SLC6A4: variants seen among roughly 807,000 people sequenced by gnomAD.
SLC6A4 encodes the protein solute carrier family 6 member 4.
A neutral mutation model predicts 73.4 loss-of-function variants in SLC6A4; 22 were observed. The observed-to-expected ratio is 0.30, with a 90% CI of 0.21 to 0.43. SLC6A4 has a LOEUF of 0.43. Ranked by LOEUF, SLC6A4 falls within the 20% of genes least tolerant of loss-of-function variation. The pLI is 1.00. For synonymous variants in SLC6A4, 270 were observed against 315.5 expected, an observed-to-expected ratio of 0.86 and a Z score of 1.53; for missense variants, 593 against 808.5, an observed-to-expected ratio of 0.73 and a Z score of 3.23.
intron 1 of SLC6A4, among the ~76,000 whole-genome samples, chr17:30,233,914 A>C (rs546761771): frequency 5.4e-4 from 82 of 152,236 alleles, no homozygotes; most frequent in Admixed American, 7.8e-4. Flanking sequence ...TATTGGCTTA[A>C]TGTCTGGAGT....
chr17:30,228,917 C>T (rs913152266), intron 1 of SLC6A4, among the ~76,000 whole-genome samples: 1 of 152,216 alleles, frequency 6.6e-6, no homozygotes, highest in African/African-American at 2.4e-5. Flanking sequence ...GACTGGAGCA[C>T]GCCCTGTACA....
intron 1 of SLC6A4, among the ~76,000 whole-genome samples, chr17:30,225,494 A>C (rs1465507413): frequency 6.6e-6 from 1 of 152,208 alleles, no homozygotes; most frequent in African/African-American, 2.4e-5. Flanking sequence ...TTGGTTTCTG[A>C]GAATGCCCTC....
chr17:30,221,723 C>A lies in SLC6A4; in HGVS notation c.236G>T (p.Arg79Leu), dbSNP rs760517433. The stretch of plus-strand genomic sequence containing the variant: ...ATCCACCTTCTTGCCCCAGGTCTCC[C>A]GTTCCCCTTGATGAAGCTCAGCCAC... ...TLVAELHQGE[R>L]ETWGKKVDFL... Residue 79 changes from arginine (R) to leucine (L), a missense_variant, in exon 3 of 15, where the codon CGG (arginine) becomes CTG (leucine). Physicochemically the swap from Arg to Leu is moderately radical, Grantham distance 102. Coordinates refer to ENST00000650711, the MANE Select transcript of SLC6A4 (RefSeq NM_001045.6). 1 of 1,614,082 alleles carries A rather than the reference C, an allele frequency of 6.2e-7. No individual in the cohort carries two copies. The highest frequency in any genetic ancestry group is 1.7e-5 in the Admixed American group (1 of 60,010).
Position 30,215,674 on chromosome 17 carries a change from C to T in SLC6A4, c.1013G>A (p.Gly338Asp). The change falls in exon 8 of 15, where the codon GGT becomes GAT. Residue 338 changes from glycine to aspartate, a missense_variant. By Grantham distance (94) the Gly-to-Asp change is moderately conservative. Coordinates refer to ENST00000650711, the MANE Select transcript of SLC6A4 (RefSeq NM_001045.6). ...DAAAQIFFSL[G>D]PGFGVLLAFA... is the part of the protein sequence containing the mutation. ...AGCCAGCAGGACCCCAAAGCCCGGA[C>T]CAAGAGAGAAGAAGATCTGAGCGGC... The T allele has an allele frequency of 6.2e-7, 1 of 1,614,094 alleles. No individual in the cohort carries two copies. The highest frequency in any genetic ancestry group is 8.5e-7 in the Non-Finnish European group (1 of 1,180,012).
intron 1 of SLC6A4, among the ~76,000 whole-genome samples, chr17:30,233,167 T>C (rs1375506628): frequency 6.6e-6 from 1 of 152,214 alleles, no homozygotes. Flanking sequence ...GGCGCTTTTA[T>C]GAGATGTTTC....
chr17:30,204,903 G>A (rs1423346889), intron 13 of SLC6A4, among the ~76,000 whole-genome samples: 1 of 152,104 alleles, frequency 6.6e-6, no homozygotes, highest in African/African-American at 2.4e-5. Flanking sequence ...CAATGACTGT[G>A]CATCAAGAGT....
intron 2 of SLC6A4, 36 bp downstream of exon 2, chr17:30,222,783 A>G: frequency 3.1e-6 from 4 of 1,304,302 alleles, no homozygotes; most frequent in African/African-American, 1.5e-5. Flanking sequence ...ATGCATTTGC[A>G]AGCCCGACTG....
chr17:30,226,435 C>T (rs1367705908), intron 1 of SLC6A4, among the ~76,000 whole-genome samples: 1 of 152,252 alleles, frequency 6.6e-6, no homozygotes, highest in African/African-American at 2.4e-5. Context: ...CCAGCTGGCT[C>T]ACGCCTGTAA....
At chr17:30,223,344 G>A (rs1906829416) in intron 1 of SLC6A4, among the ~76,000 whole-genome samples, 2 of 152,214 alleles carry the variant, frequency 1.3e-5, no homozygotes, top group African/African-American at 4.8e-5. Flanking sequence ...ACAGTTAGGA[G>A]GATGGCTAGG....
intron 1 of SLC6A4, among the ~76,000 whole-genome samples, chr17:30,227,715 G>C (rs889729337): frequency 6.6e-6 from 1 of 152,114 alleles, no homozygotes; most frequent in African/African-American, 2.4e-5. Context: ...TTGAACTCCT[G>C]GCCTATGAGC....
intron 8 of SLC6A4, among the ~76,000 whole-genome samples, chr17:30,215,393 C>A (rs1483343848): frequency 6.6e-6 from 1 of 152,076 alleles, no homozygotes; most frequent in Non-Finnish European, 1.5e-5. Context: ...GGGCATGGGG[C>A]CCCTCTCAGC....
At chr17:30,199,101 T>C (rs955204725) in intron 14 of SLC6A4, among the ~76,000 whole-genome samples, 1 of 152,212 alleles carries the variant, frequency 6.6e-6, no homozygotes, top group African/African-American at 2.4e-5. Context: ...CTGTAAAAGA[T>C]GCGATTATTG....
intron 1 of SLC6A4, among the ~76,000 whole-genome samples, chr17:30,224,504 CA>C (rs1906871751): frequency 6.6e-6 from 1 of 152,178 alleles, no homozygotes; most frequent in Admixed American, 6.5e-5. Context: ...AGGTGTGAGA[CA>C]CCATGCCTGG....
rs775933915 is a variant in SLC6A4 at position 30,218,196 on chromosome 17, C to T, written c.620G>A (p.Gly207Asp). The T allele has an allele frequency of 4.3e-6, 7 of 1,614,168 alleles. No individual in the cohort carries two copies. Among genetic ancestry groups the T allele is most frequent in the Admixed American group, 1.7e-5 (1 of 60,016 alleles). Residue 207 changes from glycine to aspartate, a missense_variant, in exon 5 of 15, where the codon GGC becomes GAC. By Grantham distance (94) the Gly-to-Asp change is moderately conservative. Coordinates refer to ENST00000650711, the MANE Select transcript of SLC6A4 (RefSeq NM_001045.6). ...CTCGGAGAAGTAATTGGTGCAGTTG[C>T]CAGTGTTCCAGGAGTTCTTGCAGCT... ...WTSCKNSWNT[G>D]NCTNYFSEDN...
chr17:30,214,234 C>G (rs58904613), intron 8 of SLC6A4, among the ~76,000 whole-genome samples: 1 of 151,628 alleles, frequency 6.6e-6, no homozygotes, highest in East Asian at 1.9e-4. Flanking sequence ...ACCAGCCTGA[C>G]CAACATGGAG....
intron 13 of SLC6A4, 43 bp downstream of exon 13, chr17:30,207,689 G>T: frequency 7.6e-7 from 1 of 1,307,318 alleles, no homozygotes; most frequent in Non-Finnish European, 1.1e-6. Flanking sequence ...TCTGGGGGAA[G>T]TCTTTCGCCA....
At chr17:30,215,784 C>T in intron 7 of SLC6A4, 70 bp from the exon 8 acceptor site, 8 of 1,330,398 alleles carry the variant, frequency 6.0e-6, no homozygotes, top group East Asian at 2.3e-5. Flanking sequence ...CCAACAGGGT[C>T]GCCACTCCTG....
intron 13 of SLC6A4, 31 bp from the exon 14 acceptor site, chr17:30,203,370 A>G: frequency 1.9e-6 from 3 of 1,592,088 alleles, no homozygotes; most frequent in Non-Finnish European, 1.7e-6. Flanking sequence ...AACATTAAAA[A>G]CCTTAACAAT....
At position 30,235,463 on chromosome 17, in the gene SLC6A4, G is replaced by T. The variant is rs1402608958; in HGVS notation, c.-221+150C>A. On this transcript the variant is annotated intron_variant, in intron 1 of 14. Coordinates refer to ENST00000650711, the MANE Select transcript of SLC6A4 (RefSeq NM_001045.6). The surrounding 1 kb of genome is among the most constrained non-coding windows in gnomAD (Gnocchi z 4.5). ...CTTGCTGAGCGTGGAGGGCGCAGGG[G>T]CAGGATCCGGCGCCCACCGCTGGGG... 6.6e-6 allele frequency: 1 copy of T among 152,138 alleles called. No homozygotes were observed. The highest frequency in any genetic ancestry group is 1.5e-5 in the Non-Finnish European group (1 of 68,040). 9.4% of individuals were successfully genotyped at this position (152,138 alleles called of 1,614,324 possible).
Sources: gnomAD v4.1 joint callset for allele counts (sites outside exome capture counted in the v4.1 genomes callset) on GRCh38, gnomAD v4.1.1 for gene constraint, Gnocchi (gnomAD v3.1) non-coding constraint, MANE v1.5 for transcripts, NCBI Gene and HGNC (gene_info 2026-07-23, HGNC 2026-07-21) for gene names.